The following PCOLCE2 variants were observed in gnomAD, a reference collection of about 807,000 sequenced individuals.
The protein encoded by PCOLCE2 is procollagen C-proteinase enhancer 2.
PCOLCE2 carries 42 observed loss-of-function variants against 47.0 expected under a neutral mutation model. The observed-to-expected ratio is 0.89, with a 90% CI of 0.70 to 1.16. The LOEUF (loss-of-function observed/expected upper bound fraction) is 1.16. PCOLCE2 is among the 50% of genes most tolerant of loss of function. The pLI is 0.00. For missense variants in PCOLCE2, 500 were observed against 526.1 expected (o/e 0.95, Z 0.49); for synonymous variants, 169 against 191.7 (o/e 0.88, Z 0.98).
In PCOLCE2 at chr3:142,818,252, A is replaced by G. The variant is rs1045122749; in HGVS notation, c.*83T>C. On this transcript the variant is annotated 3_prime_UTR_variant, in exon 9 of 9. Transcript: ENST00000295992. ...ATCCTCTTTCAGAATATGTAATTTT[A>G]TAAGTATTTTTTTTTCTACTGAGAG... 6 of 1,284,954 alleles carry G rather than the reference A, an allele frequency of 4.7e-6. No individual in the cohort carries two copies. The East Asian group carries it at 7.0e-5, about 15-fold the overall frequency. The allele number at this position is 1,284,954 out of a possible 1,614,324, so 79.6% of individuals were successfully genotyped here. A position where few individuals can be genotyped will look rare whatever the true frequency, so the allele number is the denominator to read the frequency against.
At chr3:142,829,446 T>C (rs1937121249) in intron 6 of PCOLCE2, among the ~76,000 whole-genome samples, 1 of 152,166 alleles carries the variant, frequency 6.6e-6, no homozygotes, top group Non-Finnish European at 1.5e-5. Context: ...GTGCTTCTAA[T>C]AGGCTTCCTA....
intron 6 of PCOLCE2, chr3:142,827,198 G>T: frequency 7.8e-7 from 1 of 1,286,112 alleles, no homozygotes; most frequent in Non-Finnish European, 1.1e-6. Context: ...CTCTGAGATG[G>T]CGGAGGGGAT....
intron 5 of PCOLCE2, among the ~76,000 whole-genome samples, chr3:142,834,874 A>C (rs1937185684): frequency 6.6e-6 from 1 of 152,168 alleles, no homozygotes; most frequent in Non-Finnish European, 1.5e-5. Context: ...TTTCTCTGGA[A>C]GATTCTGTGC....
At chr3:142,878,682 C>T (rs1031187674) in intron 2 of PCOLCE2, among the ~76,000 whole-genome samples, 1 of 152,156 alleles carries the variant, frequency 6.6e-6, no homozygotes, top group Non-Finnish European at 1.5e-5. Context: ...TGACAAAACC[C>T]TATCTCTACT....
At chr3:142,845,621 T>C (rs1168661507) in intron 3 of PCOLCE2, among the ~76,000 whole-genome samples, 1 of 152,198 alleles carries the variant, frequency 6.6e-6, no homozygotes, top group Non-Finnish European at 1.5e-5. Context: ...TCATTTTACT[T>C]ACATTCTTGA....
At chr3:142,852,139 T>A (rs1932954833) in intron 2 of PCOLCE2, among the ~76,000 whole-genome samples, 1 of 152,228 alleles carries the variant, frequency 6.6e-6, no homozygotes, top group South Asian at 2.1e-4. Context: ...CAGAGACAAA[T>A]GTCATCTTGC....
chr3:142,875,409 A>T (rs1191203189), intron 2 of PCOLCE2, among the ~76,000 whole-genome samples: 3 of 152,230 alleles, frequency 2.0e-5, no homozygotes, highest in Non-Finnish European at 2.9e-5. Context: ...TCTGGAAAAC[A>T]GTTTGGCGAT....
At chr3:142,849,026 G>A (rs1247574343) in intron 2 of PCOLCE2, among the ~76,000 whole-genome samples, 3 of 152,060 alleles carry the variant, frequency 2.0e-5, no homozygotes, top group East Asian at 1.9e-4. Context: ...GGTGGGGGGC[G>A]CCTGTAGTCC....
intron 6 of PCOLCE2, among the ~76,000 whole-genome samples, chr3:142,826,229 G>T (rs546153200): frequency 6.6e-6 from 1 of 151,884 alleles, no homozygotes; most frequent in South Asian, 2.1e-4. Context: ...AGATGGTCTC[G>T]ATCTCCTGAC....
chr3:142,826,090 C>T (rs1241745989), intron 6 of PCOLCE2, among the ~76,000 whole-genome samples: 3 of 152,016 alleles, frequency 2.0e-5, no homozygotes, highest in Non-Finnish European at 4.4e-5. Context: ...CTGCAAACTC[C>T]GCATCCTGGG....
chr3:142,848,343 C>T lies in PCOLCE2; in HGVS notation c.322G>A (p.Gly108Ser). ...ACAAGGGCTCCAGGCCGGAAAGTGC[C>T]ACAGAAGCGGCCAATGCGCTGGCCA... ...ANGQRIGRFC[G>S]TFRPGALVSS... The change falls in exon 3 of 9, where the codon GGC becomes AGC. Residue 108 changes from glycine to serine, a missense_variant. Transcript: ENST00000295992. The T allele has an allele frequency of 6.2e-7, 1 of 1,614,220 alleles. No individual in the cohort carries two copies.
intron 2 of PCOLCE2, among the ~76,000 whole-genome samples, chr3:142,885,244 C>T (rs2108213879): frequency 6.6e-6 from 1 of 152,294 alleles, no homozygotes; most frequent in Admixed American, 6.5e-5. Flanking sequence ...CATGCTGGGA[C>T]ACATCTCCAG....
chr3:142,888,419 G>A (rs1454769185), intron 1 of PCOLCE2, among the ~76,000 whole-genome samples: 1 of 152,188 alleles, frequency 6.6e-6, no homozygotes, highest in Non-Finnish European at 1.5e-5. Flanking sequence ...CCTAGTTTAC[G>A]TCTCTGGGCA....
At chr3:142,822,937 G>GT (rs1310541037) in intron 7 of PCOLCE2, among the ~76,000 whole-genome samples, 1 of 152,174 alleles carries the variant, frequency 6.6e-6, no homozygotes, top group Non-Finnish European at 1.5e-5. Context: ...ATAAAATGTT[G>GT]TATCTTTTGC....
intron 2 of PCOLCE2, among the ~76,000 whole-genome samples, chr3:142,861,688 C>T (rs997661759): frequency 1.3e-5 from 2 of 152,142 alleles, no homozygotes; most frequent in Admixed American, 6.5e-5. Context: ...TTGTTTCCCT[C>T]GGTTTGGGCT....
chr3:142,874,837 T>C lies in PCOLCE2; in HGVS notation c.192+12832A>G, dbSNP rs1158735885. On this transcript the variant is annotated intron_variant, in intron 2 of 8. Transcript: ENST00000295992. Reference sequence around the variant, plus strand: ...TTATAATACAGGGTGATAAGTGCTATAATAAAGATGTCCCCGAATGCTATG... The same window carrying C: ...TTATAATACAGGGTGATAAGTGCTACAATAAAGATGTCCCCGAATGCTATG... 2.0e-5 allele frequency among the ~76,000 whole-genome samples: 3 copies of C among 152,176 alleles called. No individual in the cohort carries two copies. In the East Asian group the frequency reaches 5.8e-4, roughly 29 times the overall value.
At chr3:142,861,748 T>C (rs1489968881) in intron 2 of PCOLCE2, among the ~76,000 whole-genome samples, 1 of 152,226 alleles carries the variant, frequency 6.6e-6, no homozygotes, top group Non-Finnish European at 1.5e-5. Context: ...AATCCCCAAC[T>C]GGCTGTTCAC....
At chr3:142,871,382 A>T (rs1933384080) in intron 2 of PCOLCE2, among the ~76,000 whole-genome samples, 1 of 152,116 alleles carries the variant, frequency 6.6e-6, no homozygotes, top group Non-Finnish European at 1.5e-5. Flanking sequence ...CAGACACCTT[A>T]TGGCACTCCT....
At chr3:142,874,953 TTC>T (rs1933468054) in intron 2 of PCOLCE2, among the ~76,000 whole-genome samples, 3 of 152,220 alleles carry the variant, frequency 2.0e-5, no homozygotes, top group African/African-American at 7.2e-5. Flanking sequence ...GACTTCATAA[TTC>T]TGTTACTTCT....
Sources: gnomAD v4.1 joint callset for allele counts (sites outside exome capture counted in the v4.1 genomes callset) on GRCh38, gnomAD v4.1.1 for gene constraint, MANE v1.5 for transcripts, NCBI Gene and HGNC (gene_info 2026-07-23, HGNC 2026-07-21) for gene names.